Variants in PCNX1 observed in about 807,000 individuals in gnomAD.
PCNX1 encodes the protein pecanex-like protein 1.
PCNX1 carries 78 observed loss-of-function variants against 242.2 expected under a neutral mutation model. The observed-to-expected ratio is 0.32, with a 90% CI of 0.27 to 0.39. The LOEUF is 0.39. Among genes scored for constraint, PCNX1 ranks in the 10% least tolerant of loss-of-function variants. The pLI, the probability that PCNX1 is intolerant of heterozygous loss-of-function variation, is 1.00. For missense variants in PCNX1, 2,581 were observed against 2,856.5 expected (o/e 0.90, Z 2.20); for synonymous variants, 1,024 against 1,032.9 (o/e 0.99, Z 0.17).
chr14:71,060,004 C>G (rs2061284364), intron 26 of PCNX1, among the ~76,000 whole-genome samples: 1 of 152,166 alleles, frequency 6.6e-6, no homozygotes, highest in South Asian at 2.1e-4. Context: ...ATTCCTTTGC[C>G]TGAATGTCCC....
At chr14:70,973,908 C>T (rs1403955623) in intron 5 of PCNX1, among the ~76,000 whole-genome samples, 2 of 151,906 alleles carry the variant, frequency 1.3e-5, no homozygotes, top group African/African-American at 4.8e-5. Context: ...CATCCATCAC[C>T]ACTATCTAAA....
rs764803325 is a variant in PCNX1 at position 71,102,185 on chromosome 14, C to T, written c.5785C>T (p.Leu1929Phe). 1 of 1,613,636 alleles carries T rather than the reference C, an allele frequency of 6.2e-7. No homozygotes were observed. The highest frequency in any genetic ancestry group is 1.3e-5 in the African/African-American group (1 of 75,010). Residue 1929 changes from leucine (L) to phenylalanine (F), a missense_variant, in exon 31 of 36, where the codon CTC (leucine) becomes TTC (phenylalanine). Physicochemically the swap from Leu to Phe is conservative, Grantham distance 22. Around this residue, in one of 9 missense-constraint regions of PCNX1, gnomAD observed 298 missense variants for 480.1 expected, o/e 0.62. Transcript: ENST00000304743. ...CACCAATGAATATAAAATCATCATG[C>T]TCAACAGACGCTACCTGAGCTTCAG... ...DGTNEYKIIM[L>F]NRRYLSFRVI...
chr14:70,941,503 G>C (rs1439952264), intron 1 of PCNX1, among the ~76,000 whole-genome samples: 1 of 152,198 alleles, frequency 6.6e-6, no homozygotes, highest in African/African-American at 2.4e-5. Flanking sequence ...CTTCGTCTCA[G>C]AGGGGCACCC....
At position 70,978,163 on chromosome 14, in the gene PCNX1, G is replaced by T. The variant is rs1178532656; in HGVS notation, c.1826G>T (p.Ser609Ile). Residue 609 changes from serine to isoleucine, a missense_variant, in exon 6 of 36, where the codon AGT becomes ATT. By Grantham distance (142) the Ser-to-Ile change is moderately radical. Transcript: ENST00000304743. ...GACTCTAGTGATCAGAGTGACTTGA[G>T]TAGAGCATCAAGTGTTCAGTCTGCT... ...DEDSSDQSDLSRASSVQSAHQ... is the reference protein window; with the variant it reads ...DEDSSDQSDLIRASSVQSAHQ... 6.2e-7 allele frequency: 1 copy of T among 1,614,136 alleles called. No individual in the cohort carries two copies. The highest frequency in any genetic ancestry group is 8.5e-7 in the Non-Finnish European group (1 of 1,180,004).
At chr14:70,945,505 A>G (rs1341939503) in intron 1 of PCNX1, among the ~76,000 whole-genome samples, 1 of 151,790 alleles carries the variant, frequency 6.6e-6, no homozygotes, top group Non-Finnish European at 1.5e-5. Flanking sequence ...CTCAACACAA[A>G]ATTATTAATT....
At chr14:71,081,463 C>T (rs1450750680) in intron 28 of PCNX1, among the ~76,000 whole-genome samples, 1 of 152,078 alleles carries the variant, frequency 6.6e-6, no homozygotes, top group African/African-American at 2.4e-5. Context: ...TTCTTCGTAC[C>T]TCTGGTAGAA....
intron 12 of PCNX1, among the ~76,000 whole-genome samples, chr14:71,019,694 C>G (rs1260837147): frequency 6.6e-6 from 1 of 152,074 alleles, no homozygotes; most frequent in Non-Finnish European, 1.5e-5. Context: ...GCCACTGCGC[C>G]TGGCCTAAAA....
rs551222233 is a variant in PCNX1 at position 71,003,206 on chromosome 14, C to T, written c.2630-6428C>T. On this transcript the variant is annotated intron_variant, in intron 8 of 35. Coordinates refer to ENST00000304743, the MANE Select transcript of PCNX1 (RefSeq NM_014982.3). ...TCAAGCGATTCTCCTACCTCAGCCC[C>T]GCAAGTAGCTGGGATTACAGGTGCG... Among the ~76,000 whole-genome samples the T allele has an allele frequency of 4.0e-5, 6 of 151,468 alleles. No individual in the cohort carries two copies. The South Asian group carries it at 6.3e-4, about 16-fold the overall frequency.
chr14:71,023,311 T>A, intron 13 of PCNX1, 79 bp downstream of exon 13: 1 of 1,155,112 alleles, frequency 8.7e-7, no homozygotes, highest in Non-Finnish European at 1.3e-6. Flanking sequence ...TTTTGTTTTT[T>A]TGTTTTGTTT....
intron 30 of PCNX1, among the ~76,000 whole-genome samples, chr14:71,091,497 A>C (rs990213640): frequency 6.6e-6 from 1 of 152,234 alleles, no homozygotes; most frequent in Non-Finnish European, 1.5e-5. Flanking sequence ...TTCTCAGTAA[A>C]TGTATTGGAA....
intron 12 of PCNX1, among the ~76,000 whole-genome samples, chr14:71,022,813 G>A (rs554609818): frequency 6.6e-6 from 1 of 152,146 alleles, no homozygotes; most frequent in Non-Finnish European, 1.5e-5. Flanking sequence ...CCCTATTATT[G>A]TATATTTCCT....
chr14:71,093,329 A>G (rs993002294), intron 30 of PCNX1: 1 of 149,148 alleles, frequency 6.7e-6, no homozygotes, highest in African/African-American at 2.5e-5. Flanking sequence ...GGCAAAAAAA[A>G]AAAAAGGGTG....
At position 70,948,347 on chromosome 14, in the gene PCNX1, T is replaced by A. The variant is rs145474879; in HGVS notation, c.362+1224T>A. On this transcript the variant is annotated intron_variant, in intron 2 of 35. Transcript: ENST00000304743. ...ACAGCCAGTTTTAAATTTCTCTCTT[T>A]TGTACTCTTTCCCTTTATTTCTCAG... Among the ~76,000 whole-genome samples the A allele has an allele frequency of 4.6e-5, 7 of 152,242 alleles. No homozygotes were observed. The East Asian group carries it at 1.4e-3, about 29-fold the overall frequency.
At chr14:71,009,433 TTGA>T (rs1311127630) in intron 8 of PCNX1, among the ~76,000 whole-genome samples, 198 bp from the exon 9 acceptor site, 2 of 152,340 alleles carry the variant, frequency 1.3e-5, no homozygotes, top group African/African-American at 4.8e-5. Flanking sequence ...ATTATGTATG[TTGA>T]TGTTTTACCC....
At chr14:71,074,327 T>C (rs2061658185) in intron 27 of PCNX1, among the ~76,000 whole-genome samples, 1 of 152,182 alleles carries the variant, frequency 6.6e-6, no homozygotes, top group South Asian at 2.1e-4. Context: ...CCCTCACTTC[T>C]GACATCAGCT....
rs2060825762 is a variant in PCNX1, at chr14:71,045,227, A to C, written c.3962A>C (p.His1321Pro). ...CAAGTTAGAAAACAGCTACCATGGC[A>C]CTGTTTCTCTCATCCTCTGCTAAAG... ...LPQVRKQLPWHCFSHPLLKTL... is the reference protein window; with the variant it reads ...LPQVRKQLPWPCFSHPLLKTL... The change falls in exon 20 of 36, where the codon CAC (histidine) becomes CCC (proline). Residue 1321 changes from histidine to proline, a missense_variant. By Grantham distance (77) the His-to-Pro change is moderately conservative (BLOSUM62 -2). Transcript: ENST00000304743. 2 of 1,612,806 alleles carry C rather than the reference A, an allele frequency of 1.2e-6. No individual in the cohort carries two copies. Among genetic ancestry groups the C allele is most frequent in the Admixed American group, 3.3e-5 (2 of 60,008 alleles).
At chr14:71,087,824 G>A (rs2141633787) in intron 28 of PCNX1, among the ~76,000 whole-genome samples, 1 of 152,152 alleles carries the variant, frequency 6.6e-6, no homozygotes, top group Non-Finnish European at 1.5e-5. Flanking sequence ...GCATGTAATT[G>A]TTAAAAAATA....
At chr14:71,051,413 A>C (rs2061032634) in intron 23 of PCNX1, among the ~76,000 whole-genome samples, 1 of 152,154 alleles carries the variant, frequency 6.6e-6, no homozygotes, top group Non-Finnish European at 1.5e-5. Context: ...AAATGAAGGT[A>C]CAAAACATTT....
At chr14:71,010,328 A>C (rs7146932) in intron 9 of PCNX1, among the ~76,000 whole-genome samples, 1 of 151,820 alleles carries the variant, frequency 6.6e-6, no homozygotes, top group Non-Finnish European at 1.5e-5. Context: ...AAGTTCTTAC[A>C]TAACTAAGTT....
Sources: allele counts gnomAD v4.1 joint callset (sites outside exome capture counted in the v4.1 genomes callset), GRCh38; gene constraint gnomAD v4.1.1; regional missense constraint gnomAD v4.1.1; transcripts MANE v1.5; gene names NCBI Gene and HGNC (gene_info 2026-07-23, HGNC 2026-07-21).